PDCD1LG2: variants seen among roughly 807,000 people sequenced by gnomAD.
PDCD1LG2 encodes programmed cell death 1 ligand 2, also known as B7 dendritic cell molecule.
Under a neutral mutation model 28.2 loss-of-function variants are expected in PDCD1LG2, and 32 were observed. The observed-to-expected ratio is 1.13, with a 90% CI of 0.86 to 1.52. The LOEUF is 1.52. Ranked by LOEUF, PDCD1LG2 falls within the 40% of genes most tolerant of loss-of-function variation. PDCD1LG2 has a pLI of 0.00. For synonymous variants in PDCD1LG2, 116 were observed against 120.2 expected (o/e 0.97, Z 0.23); for missense variants, 385 against 323.8 (o/e 1.19, Z -1.45).
chr9:5,554,486 C>T (rs1448141435), intron 4 of PDCD1LG2, among the ~76,000 whole-genome samples: 4 of 152,200 alleles, frequency 2.6e-5, no homozygotes, highest in Non-Finnish European at 5.9e-5. Flanking sequence ...CTGTGGACTG[C>T]TGTGACCCAC....
At chr9:5,544,405 A>G (rs10975175) in intron 3 of PDCD1LG2, among the ~76,000 whole-genome samples, 53,964 of 151,984 alleles carry the variant, frequency 0.36, 9,990 homozygotes, top group African/African-American at 0.44. Context: ...GGGAAGAGAT[A>G]CATCTTCTGC....
chr9:5,511,010 T>C (rs1303088145), intron 1 of PDCD1LG2, among the ~76,000 whole-genome samples: 1 of 152,262 alleles, frequency 6.6e-6, no homozygotes, highest in African/African-American at 2.4e-5. Flanking sequence ...CATATTGTTC[T>C]TGTTGCTCAG....
intron 4 of PDCD1LG2, among the ~76,000 whole-genome samples, chr9:5,550,104 T>C (rs1816299798): frequency 6.6e-6 from 1 of 152,216 alleles, no homozygotes; most frequent in African/African-American, 2.4e-5. Context: ...TCTAGTACAA[T>C]AGCTAATCAC....
chr9:5,546,138 C>G (rs2129857512), intron 3 of PDCD1LG2, among the ~76,000 whole-genome samples: 1 of 152,282 alleles, frequency 6.6e-6, no homozygotes, highest in African/African-American at 2.4e-5. Context: ...GAAGAGCTCT[C>G]TCTCTGTCTC....
intron 5 of PDCD1LG2, among the ~76,000 whole-genome samples, chr9:5,562,834 T>A (rs1370561690): frequency 6.6e-6 from 1 of 152,132 alleles, no homozygotes; most frequent in East Asian, 1.9e-4. Context: ...GAAGTAGCAG[T>A]CAAGACTAAA....
intron 2 of PDCD1LG2, among the ~76,000 whole-genome samples, chr9:5,526,594 G>C (rs546192501): frequency 6.6e-6 from 1 of 151,884 alleles, no homozygotes; most frequent in African/African-American, 2.4e-5. Context: ...TGTACCACCC[G>C]GTCTGGCTAA....
intron 1 of PDCD1LG2, among the ~76,000 whole-genome samples, chr9:5,521,918 A>C (rs535398731): frequency 6.6e-6 from 1 of 152,320 alleles, no homozygotes; most frequent in Non-Finnish European, 1.5e-5. Flanking sequence ...GTACAGCAGG[A>C]CCAAGGTGGG....
At chr9:5,565,866 CAAT>C (rs148499171) in intron 6 of PDCD1LG2, among the ~76,000 whole-genome samples, 3,071 of 151,956 alleles carry the variant, frequency 0.02, 104 homozygotes, top group African/African-American at 0.069. Context: ...TAACGTACAA[CAAT>C]AACAAGTTTC....
At chr9:5,555,609 C>A (rs921881477) in intron 4 of PDCD1LG2, among the ~76,000 whole-genome samples, 11 of 152,174 alleles carry the variant, frequency 7.2e-5, no homozygotes, top group Non-Finnish European at 1.6e-4. Context: ...AGCAGCTAAG[C>A]AGCTATGTTC....
intron 4 of PDCD1LG2, 140 bp from the exon 5 acceptor site, chr9:5,557,478 A>G: frequency 1.0e-6 from 1 of 959,936 alleles, no homozygotes; most frequent in Non-Finnish European, 1.6e-6. Context: ...ATAGGTGCAG[A>G]GCACTTAGAA....
intron 4 of PDCD1LG2, 122 bp downstream of exon 4, chr9:5,549,726 T>G (rs773810297): frequency 4.2e-4 from 508 of 1,213,050 alleles, no homozygotes; most frequent in South Asian, 1.6e-3. Flanking sequence ...TGATCACCAT[T>G]TGGAGAAACT....
At chr9:5,541,775 T>C (rs1011225627) in intron 3 of PDCD1LG2, among the ~76,000 whole-genome samples, 2 of 151,964 alleles carry the variant, frequency 1.3e-5, no homozygotes, top group Admixed American at 6.5e-5. Flanking sequence ...ACAAAGTCAA[T>C]GCAATCCCCA....
chr9:5,563,356 C>A, intron 6 of PDCD1LG2, 145 bp downstream of exon 6: 1 of 739,802 alleles, frequency 1.4e-6, no homozygotes, highest in Non-Finnish European at 2.2e-6. Flanking sequence ...AGCATTTCAG[C>A]GAAGCCTCGT....
intron 1 of PDCD1LG2, among the ~76,000 whole-genome samples, chr9:5,515,842 G>C (rs550177073): frequency 7.7e-5 from 10 of 130,164 alleles, no homozygotes; most frequent in African/African-American, 2.6e-4. Context: ...AGAATCACTT[G>C]AACCCGGGAG....
At chr9:5,553,953 C>T (rs977745537) in intron 4 of PDCD1LG2, among the ~76,000 whole-genome samples, 1 of 152,134 alleles carries the variant, frequency 6.6e-6, no homozygotes, top group Non-Finnish European at 1.5e-5. Context: ...TCCATGCCTT[C>T]TTTGCTCAGG....
intron 1 of PDCD1LG2, among the ~76,000 whole-genome samples, chr9:5,515,356 T>G (rs1270614009): frequency 1.3e-5 from 2 of 152,226 alleles, no homozygotes; most frequent in East Asian, 1.9e-4. Context: ...GTCAGCACAA[T>G]GCTCATTCAG....
chr9:5,539,927 A>G (rs1367372975), intron 3 of PDCD1LG2, among the ~76,000 whole-genome samples: 1 of 152,208 alleles, frequency 6.6e-6, no homozygotes, highest in Non-Finnish European at 1.5e-5. Context: ...CTACCCAACA[A>G]TCGCAGAATA....
intron 6 of PDCD1LG2, among the ~76,000 whole-genome samples, chr9:5,568,973 G>A (rs987919044): frequency 6.6e-6 from 1 of 152,154 alleles, no homozygotes; most frequent in African/African-American, 2.4e-5. Flanking sequence ...AGGAAGAAAT[G>A]GAAACAGCAA....
At chr9:5,556,487 C>T (rs1032205470) in intron 4 of PDCD1LG2, among the ~76,000 whole-genome samples, 4 of 152,188 alleles carry the variant, frequency 2.6e-5, no homozygotes, top group African/African-American at 9.6e-5. Context: ...TTGACTTTTA[C>T]TTAGCAGTGA....
Sources: gnomAD v4.1 joint callset for allele counts (sites outside exome capture counted in the v4.1 genomes callset) on GRCh38, gnomAD v4.1.1 for gene constraint, MANE v1.5 for transcripts, NCBI Gene and HGNC (gene_info 2026-07-23, HGNC 2026-07-21) for gene names.